Variants in YBEY observed in about 807,000 individuals in gnomAD.
YBEY encodes the protein endoribonuclease YbeY.
Under a neutral mutation model 13.5 loss-of-function variants are expected in YBEY, and 15 were observed. The observed-to-expected ratio is 1.11, with a 90% CI of 0.75 to 1.72. The LOEUF (loss-of-function observed/expected upper bound fraction) is 1.72. YBEY is among the 40% of genes most tolerant of loss of function. YBEY has a pLI of 0.00. For synonymous variants in YBEY, 101 were observed against 83.1 expected, an observed-to-expected ratio of 1.21 and a Z score of -1.17; for missense variants, 244 against 208.4, an observed-to-expected ratio of 1.17 and a Z score of -1.05.
At chr21:46,312,998 T>C in the YBEY span, 4 of 985,464 alleles carry the variant, frequency 4.1e-6, no homozygotes, top group Non-Finnish European at 4.8e-6. Flanking sequence ...TTTTATCCTC[T>C]TCTAGCTGTG....
the YBEY span, among the ~76,000 whole-genome samples, chr21:46,303,315 GGTAACA>G: frequency 6.6e-6 from 1 of 152,050 alleles, no homozygotes; most frequent in East Asian, 1.9e-4. Context: ...CTCTAGCCTG[GGTAACA>G]GAGCAAGATA....
chr21:46,291,846 G>T, intron 3 of YBEY: 1 of 1,061,134 alleles, frequency 9.4e-7, no homozygotes, highest in Non-Finnish European at 1.1e-6. Flanking sequence ...ATCCACCTAT[G>T]GGTTCTTCCT....
chr21:46,307,985 T>C, the YBEY span, among the ~76,000 whole-genome samples: 1 of 152,000 alleles, frequency 6.6e-6, no homozygotes, highest in African/African-American at 2.4e-5. Context: ...TAGATAACAG[T>C]TTGGCAGTTT....
In YBEY at chr21:46,297,599, C is replaced by A; in HGVS notation, c.469C>A (p.Gln157Lys). The A allele has an allele frequency of 7.3e-7, 1 of 1,378,234 alleles. No individual in the cohort carries two copies. Among genetic ancestry groups the A allele is most frequent in the Non-Finnish European group, 9.5e-7 (1 of 1,051,458 alleles). The allele number at this position is 1,378,234 out of a possible 1,614,324, so 85.4% of individuals were successfully genotyped here. A position where few individuals can be genotyped will look rare whatever the true frequency, so the allele number is the denominator to read the frequency against. Residue 157 changes from glutamine (Q) to lysine (K), a missense_variant, in exon 5 of 5, where the codon CAG (glutamine) becomes AAG (lysine). Coordinates refer to ENST00000397701, the MANE Select transcript of YBEY (RefSeq NM_001314025.2). The part of the protein sequence containing the change: ...ELGRRTGTRL[Q>K]PLTRGLFGGS ...GGGCCGACGCACGGGGACCCGGCTG[C>A]AGCCCCTGACCCGGGGCCTCTTCGG...
chr21:46,301,901 G>T, downstream of YBEY: 2 of 1,344,024 alleles, frequency 1.5e-6, no homozygotes, highest in East Asian at 3.0e-5. Flanking sequence ...TGGTGGCAGG[G>T]TCTCTCCCTG....
At chr21:46,301,562 G>T (rs939617173), downstream of YBEY, 8 of 991,920 alleles carry the variant, frequency 8.1e-6, no homozygotes, top group Non-Finnish European at 8.4e-6. Context: ...TAAAGCTATT[G>T]ATCTTTTCTG....
intron 4 of YBEY, 105 bp downstream of exon 4, chr21:46,296,335 C>A: frequency 7.7e-7 from 1 of 1,300,734 alleles, no homozygotes; most frequent in Non-Finnish European, 1.1e-6. Context: ...CCCGCAGGAA[C>A]TGGACCTCAG....
At chr21:46,290,210 CT>C (rs56397277) in intron 2 of YBEY, among the ~76,000 whole-genome samples, 60,430 of 148,380 alleles carry the variant, frequency 0.41, 12,589 homozygotes, top group Admixed American at 0.47. Context: ...TGACAAATTC[CT>C]TTTTTTTTTT....
the YBEY span, chr21:46,312,924 CT>C: frequency 1.1e-6 from 1 of 889,204 alleles, no homozygotes; most frequent in Non-Finnish European, 1.3e-6. Context: ...TGAAAATGAA[CT>C]TTGGTTTCTC....
At chr21:46,303,263 C>T in the YBEY span, among the ~76,000 whole-genome samples, 1 of 152,036 alleles carries the variant, frequency 6.6e-6, no homozygotes, top group South Asian at 2.1e-4. Context: ...CACTTGAGCC[C>T]AGGAGTTCGA....
rs753046629 is a variant in YBEY, at chr21:46,297,636, G to A, written c.*2G>A. 91 of 1,305,012 alleles carry A rather than the reference G, an allele frequency of 7.0e-5. 1 individual carries two copies. Among genetic ancestry groups the A allele is most frequent in the Middle Eastern group, 2.0e-4 (1 of 4,974 alleles). The allele number at this position is 1,305,012 out of a possible 1,614,324, so 80.8% of individuals were successfully genotyped here. A position where few individuals can be genotyped will look rare whatever the true frequency, so the allele number is the denominator to read the frequency against. ...CGGGGCCTCTTCGGAGGGAGCTGAGGGCCGCGTTCCTTCTGAAAGCGGGAC... is the reference window on the plus strand; with the variant it reads ...CGGGGCCTCTTCGGAGGGAGCTGAGAGCCGCGTTCCTTCTGAAAGCGGGAC... On this transcript the variant is annotated 3_prime_UTR_variant, in exon 5 of 5. Transcript: ENST00000397701.
At chr21:46,298,250 C>G (rs1164943525), downstream of YBEY, among the ~76,000 whole-genome samples, 2 of 68 alleles carry the variant, frequency 0.029, no homozygotes, top group African/African-American at 0.083. Context: ...AATGCCTTCC[C>G]ACTGACTTGC....
At chr21:46,300,899 A>G (rs947010791), downstream of YBEY, 1 of 961,168 alleles carries the variant, frequency 1.0e-6, no homozygotes, top group East Asian at 6.2e-5. Flanking sequence ...AGTAACAAAA[A>G]GTAAAGAAAA....
At chr21:46,288,242 A>ATCTACATTC (rs1398108088) in intron 2 of YBEY, among the ~76,000 whole-genome samples, 1 of 152,258 alleles carries the variant, frequency 6.6e-6, no homozygotes, top group East Asian at 1.9e-4. Flanking sequence ...TCAGGTTATT[A>ATCTACATTC]TCTACATTCT....
chr21:46,302,175 G>A (rs1462631702), downstream of YBEY: 1 of 1,456,326 alleles, frequency 6.9e-7, no homozygotes, highest in African/African-American at 1.4e-5. Flanking sequence ...CGCACCTGCT[G>A]CTTAGGACGC....
the YBEY span, among the ~76,000 whole-genome samples, chr21:46,305,383 G>A: frequency 7.1e-6 from 1 of 140,070 alleles, no homozygotes; most frequent in Non-Finnish European, 1.5e-5. Context: ...AAGCTGGGAC[G>A]CCTTGGTGTG....
At chr21:46,294,383 CG>C (rs2081865690) in intron 3 of YBEY, among the ~76,000 whole-genome samples, 3 of 82,710 alleles carry the variant, frequency 3.6e-5, no homozygotes, top group Non-Finnish European at 5.3e-5. Context: ...GACCCGTGCC[CG>C]GGACTCAGTG....
chr21:46,304,399 A>G, the YBEY span, among the ~76,000 whole-genome samples: 1 of 150,804 alleles, frequency 6.6e-6, no homozygotes, highest in Non-Finnish European at 1.5e-5. Flanking sequence ...AGGTGGGAGG[A>G]GTGCTTGAGC....
chr21:46,310,981 C>T, the YBEY span, among the ~76,000 whole-genome samples: 2 of 151,886 alleles, frequency 1.3e-5, no homozygotes, highest in African/African-American at 4.8e-5. Context: ...AGCAATTTCT[C>T]CTGCCTCAGC....
Sources: allele counts gnomAD v4.1 joint callset (sites outside exome capture counted in the v4.1 genomes callset), GRCh38; gene constraint gnomAD v4.1.1; transcripts MANE v1.5; gene names NCBI Gene and HGNC (gene_info 2026-07-23, HGNC 2026-07-21).